The following URB2 variants were observed in gnomAD, a reference collection of about 807,000 sequenced individuals.
URB2 encodes the protein URB2 ribosome biogenesis homolog.
In URB2, 86 loss-of-function variants were observed where a neutral mutation model predicts 120.9. The ratio of observed to expected loss-of-function variants is 0.71; its 90% CI spans 0.60 to 0.85. URB2 has a LOEUF of 0.85. Among genes scored for constraint, URB2 ranks in the 40% least tolerant of loss-of-function variants. URB2 has a pLI of 0.00. For missense variants in URB2, 1,765 were observed against 1,836.5 expected, an observed-to-expected ratio of 0.96 and a Z score of 0.71; for synonymous variants, 755 against 758.4, an observed-to-expected ratio of 1.00 and a Z score of 0.07.
At chr1:229,656,674 G>C (rs1329789314) in intron 9 of URB2, among the ~76,000 whole-genome samples, 3 of 152,222 alleles carry the variant, frequency 2.0e-5, no homozygotes, top group Non-Finnish European at 4.4e-5. Context: ...GCAGAGTTGA[G>C]TATTGCTGGT....
At position 229,637,255 on chromosome 1, in the gene URB2, A is replaced by G; in HGVS notation, c.2642A>G (p.Asp881Gly). 6.2e-7 allele frequency: 1 copy of G among 1,614,054 alleles called. No individual in the cohort carries two copies. Among genetic ancestry groups the G allele is most frequent in the Non-Finnish European group, 8.5e-7 (1 of 1,179,944 alleles). ...AQNLLSLVKSDFPIQLEGEQL... is the reference protein window; with the variant it reads ...AQNLLSLVKSGFPIQLEGEQL... ...AACTTACTGTCCCTGGTCAAGAGTG[A>G]CTTCCCTATCCAGCTGGAGGGAGAG... Residue 881 changes from aspartate to glycine, a missense_variant, in exon 4 of 10, where the codon GAC (aspartate) becomes GGC (glycine). Coordinates refer to ENST00000258243, the MANE Select transcript of URB2 (RefSeq NM_014777.4).
chr1:229,633,830 C>CTTA lies in URB2; in HGVS notation c.304-1085_304-1084insATT, dbSNP rs2102782101. The stretch of plus-strand genomic sequence containing the variant: ...ATAAGCAGTAGCAACATAACATTTG[C>CTTA]TTTCCTTTTTAAAAAATTTTTTTGA... On this transcript the variant is annotated intron_variant, in intron 3 of 9. Transcript: ENST00000258243. 3.9e-5 allele frequency among the ~76,000 whole-genome samples: 6 copies of CTTA among 152,276 alleles called. 1 individual carries two copies. Among genetic ancestry groups the CTTA allele is most frequent in the Admixed American group, 3.9e-4 (6 of 15,288 alleles).
At position 229,636,793 on chromosome 1, in the gene URB2, T is replaced by C; in HGVS notation, c.2180T>C (p.Val727Ala). 6.2e-7 allele frequency: 1 copy of C among 1,612,622 alleles called. No individual in the cohort carries two copies. Among genetic ancestry groups the C allele is most frequent in the Non-Finnish European group, 8.5e-7 (1 of 1,178,900 alleles). Residue 727 changes from valine (V) to alanine (A), a missense_variant, in exon 4 of 10, where the codon GTT becomes GCT. Transcript: ENST00000258243. ...ACGACGGCTTCCTGGGATGGCCAAG[T>C]TGGGATGGTGAGTGGACTCACATAC... ...QRTTASWDGQ[V>A]GMVSGLTYPV...
At chr1:229,646,119 G>C in intron 6 of URB2, 150 bp downstream of exon 6, 2 of 679,432 alleles carry the variant, frequency 2.9e-6, no homozygotes, top group Admixed American at 4.7e-5. Flanking sequence ...GCAGGATGCC[G>C]AGCTTGTGTG....
In URB2 at chr1:229,643,761, T is replaced by G. The variant is rs141534646; in HGVS notation, c.3795+68T>G. The G allele has an allele frequency of 3.8e-6, 6 of 1,563,168 alleles. No individual in the cohort carries two copies. The Admixed American group carries it at 9.3e-5, about 24-fold the overall frequency. ...CGTCGGCTCAAATGGGAAAACTGAT[T>G]TGAGATGTGGTGTCACCCTTAAAAC... is the stretch of plus-strand genomic sequence containing the variant. On this transcript the variant is annotated intron_variant, in intron 5 of 9. Transcript: ENST00000258243.
intron 4 of URB2, among the ~76,000 whole-genome samples, chr1:229,642,617 G>A (rs1172582026): frequency 6.6e-6 from 1 of 152,184 alleles, no homozygotes. Context: ...GGACACTGGG[G>A]ATGATGGGGA....
chr1:229,642,555 A>G (rs1666035829), intron 4 of URB2, among the ~76,000 whole-genome samples: 1 of 152,152 alleles, frequency 6.6e-6, no homozygotes, highest in African/African-American at 2.4e-5. Flanking sequence ...CCAGACGATA[A>G]AGGGCCTTGA....
At chr1:229,653,048 G>C (rs138737194) in intron 8 of URB2, among the ~76,000 whole-genome samples, 120 of 152,274 alleles carry the variant, frequency 7.9e-4, no homozygotes, top group African/African-American at 2.6e-3. Flanking sequence ...GAAATAACAA[G>C]TGCTATGTAT....
rs1666488331 is a variant in URB2, at chr1:229,660,055, CATTCAT to C, written c.*760_*765del. On this transcript the variant is annotated 3_prime_UTR_variant, in exon 10 of 10. Transcript: ENST00000258243. ...AAATAAAAGGATAATTTAAAAAACT[CATTCAT>C]AGTCTCAGTTACCCAGATAACCTCG... The C allele has an allele frequency of 6.6e-6, 1 of 152,186 alleles. No individual in the cohort carries two copies. Among genetic ancestry groups the C allele is most frequent in the Admixed American group, 6.5e-5 (1 of 15,274 alleles). 9.4% of individuals were successfully genotyped at this position (152,186 alleles called of 1,614,324 possible). A position where few individuals can be genotyped will look rare whatever the true frequency, so the allele number is the denominator to read the frequency against.
intron 6 of URB2, among the ~76,000 whole-genome samples, chr1:229,646,178 T>C (rs905466333): frequency 6.6e-6 from 1 of 152,078 alleles, no homozygotes; most frequent in Non-Finnish European, 1.5e-5. Flanking sequence ...GGAAGGGAAG[T>C]GCTAACAAGG....
intron 5 of URB2, among the ~76,000 whole-genome samples, chr1:229,645,015 G>C (rs781450021): frequency 1.3e-5 from 2 of 152,166 alleles, no homozygotes; most frequent in Non-Finnish European, 2.9e-5. Flanking sequence ...GCCGGGTGCG[G>C]TGGCTCATGC....
At chr1:229,634,177 T>C (rs1450112916) in intron 3 of URB2, among the ~76,000 whole-genome samples, 1 of 151,528 alleles carries the variant, frequency 6.6e-6, no homozygotes, top group Non-Finnish European at 1.5e-5. Context: ...CTTTTTTAAA[T>C]AGAAAAAGTA....
chr1:229,635,336 C>G lies in URB2; in HGVS notation c.723C>G (p.Phe241Leu), dbSNP rs147293351. The G allele has an allele frequency of 1.2e-6, 2 of 1,614,122 alleles. No homozygotes were observed. The highest frequency in any genetic ancestry group is 2.2e-5 in the East Asian group (1 of 44,886). Residue 241 changes from phenylalanine to leucine, a missense_variant, in exon 4 of 10, where the codon TTC becomes TTG. Coordinates refer to ENST00000258243, the MANE Select transcript of URB2 (RefSeq NM_014777.4). ...RDIRSQIEAM[F>L]RGGIFQPELL... Reference sequence around the variant, plus strand: ...TCAGGAGTCAGATTGAGGCCATGTTCCGAGGAGGGATTTTTCAGCCTGAGC... The same window carrying G: ...TCAGGAGTCAGATTGAGGCCATGTTGCGAGGAGGGATTTTTCAGCCTGAGC...
rs751966226 is a variant in URB2, at chr1:229,637,092, G to T, written c.2479G>T (p.Ala827Ser). Residue 827 changes from alanine (A) to serine (S), a missense_variant, in exon 4 of 10, where the codon GCC becomes TCC. Transcript: ENST00000258243. The part of the protein sequence containing the change: ...TSCSSILCSG[A>S]QRDSGLVSQQ... Reference sequence around the variant, plus strand: ...TTGCTCCAGCATTCTGTGTTCTGGTGCCCAGCGTGACTCAGGTCTTGTCAG... The same window carrying T: ...TTGCTCCAGCATTCTGTGTTCTGGTTCCCAGCGTGACTCAGGTCTTGTCAG... 1.2e-6 allele frequency: 2 copies of T among 1,613,606 alleles called. No homozygotes were observed. The highest frequency in any genetic ancestry group is 8.5e-7 in the Non-Finnish European group (1 of 1,179,748).
intron 9 of URB2, among the ~76,000 whole-genome samples, 180 bp downstream of exon 9, chr1:229,654,568 C>T (rs1175230096): frequency 1.6e-4 from 25 of 152,170 alleles, no homozygotes; most frequent in African/African-American, 6.0e-4. Flanking sequence ...TGATAGCACA[C>T]TACAGCCTCG....
intron 4 of URB2, among the ~76,000 whole-genome samples, chr1:229,639,539 T>A (rs1288000011): frequency 6.6e-6 from 1 of 152,114 alleles, no homozygotes; most frequent in African/African-American, 2.4e-5. Flanking sequence ...GGTTTCACCA[T>A]GTTAGCCAGG....
intron 4 of URB2, among the ~76,000 whole-genome samples, chr1:229,641,200 A>T (rs573519444): frequency 6.6e-6 from 1 of 151,788 alleles, no homozygotes; most frequent in East Asian, 1.9e-4. Flanking sequence ...TTTAGTAGAG[A>T]TGGGGTTTTA....
Position 229,659,333 on chromosome 1 carries a change from C to A in URB2, c.*36C>A. The A allele has an allele frequency of 6.3e-7, 1 of 1,598,586 alleles. No homozygotes were observed. The highest frequency in any genetic ancestry group is 8.6e-7 in the Non-Finnish European group (1 of 1,168,514). On this transcript the variant is annotated 3_prime_UTR_variant, in exon 10 of 10. Coordinates refer to ENST00000258243, the MANE Select transcript of URB2 (RefSeq NM_014777.4). The stretch of plus-strand genomic sequence containing the variant: ...CAGAAGTGCCGCCAGTGACACTGTC[C>A]AGAGGCTTTGGCTGCATGGTCTGAA...
rs767496560 is a variant in URB2 at position 229,636,048 on chromosome 1, C to T, written c.1435C>T (p.Arg479Cys). 7.1e-5 allele frequency: 114 copies of T among 1,614,002 alleles called. No homozygotes were observed. Among genetic ancestry groups the T allele is most frequent in the Non-Finnish European group, 7.3e-5 (86 of 1,179,980 alleles). ...LFEEVLGVIC[R>C]PAAEALRQPV... ...TGAAGAGGTTTTGGGGGTGATCTGT[C>T]GTCCAGCTGCTGAGGCACTGAGGCA... is the stretch of plus-strand genomic sequence containing the variant. The change falls in exon 4 of 10, where the codon CGT becomes TGT. Residue 479 changes from arginine (R) to cysteine (C), a missense_variant. Transcript: ENST00000258243.
Sources: gnomAD v4.1 joint callset for allele counts (sites outside exome capture counted in the v4.1 genomes callset) on GRCh38, gnomAD v4.1.1 for gene constraint, MANE v1.5 for transcripts, NCBI Gene and HGNC (gene_info 2026-07-23, HGNC 2026-07-21) for gene names.